SAP130: variants seen among roughly 807,000 people sequenced by gnomAD.
The protein encoded by SAP130 is Sin3A associated protein 130.
Under a neutral mutation model 103.2 loss-of-function variants are expected in SAP130, and 16 were observed. The observed-to-expected ratio is 0.16, with a 90% CI of 0.10 to 0.24. The LOEUF (loss-of-function observed/expected upper bound fraction) is 0.24, where lower values mean the gene tolerates loss of function less well. Ranked by LOEUF, SAP130 falls within the 10% of genes least tolerant of loss-of-function variation. The probability of loss-of-function intolerance (pLI) is 1.00; values close to 1 mark genes in which losing one functional copy is unlikely to be tolerated. For missense variants in SAP130, 990 were observed against 1,359.7 expected (o/e 0.73, Z 4.28); for synonymous variants, 477 against 497.0 (o/e 0.96, Z 0.53).
intron 15 of SAP130, among the ~76,000 whole-genome samples, chr2:127,958,210 C>T (rs1312657134): frequency 6.6e-6 from 1 of 152,178 alleles, no homozygotes; most frequent in Non-Finnish European, 1.5e-5. Context: ...GTCAGGAGTT[C>T]GAGACCAGCC....
chr2:128,000,386 C>T lies in SAP130; in HGVS notation c.938G>A (p.Arg313Gln), dbSNP rs1165718691. The T allele has an allele frequency of 1.2e-6, 2 of 1,613,996 alleles. No homozygotes were observed. The highest frequency in any genetic ancestry group is 1.7e-5 in the Admixed American group (1 of 59,984). The change falls in exon 8 of 21, where the codon CGA becomes CAA. Residue 313 changes from arginine to glutamine, a missense_variant. Physicochemically the swap from Arg to Gln is conservative, Grantham distance 43 (BLOSUM62 1). Around this residue, in one of 6 missense-constraint regions of SAP130, gnomAD observed 336 missense variants for 520.1 expected, o/e 0.65. Transcript: ENST00000643581. The stretch of plus-strand genomic sequence containing the variant: ...TAGTGTGATTCTTGTTGTGACATCT[C>T]GTGACTGGGCAGGACGCTGAATACT... ...AISIQRPAQSRDVTTRITLPS... is the reference protein window; with the variant it reads ...AISIQRPAQSQDVTTRITLPS...
intron 4 of SAP130, among the ~76,000 whole-genome samples, chr2:128,015,877 G>A (rs910618649): frequency 1.3e-4 from 19 of 150,506 alleles, no homozygotes; most frequent in African/African-American, 3.9e-4. Context: ...GGACGTGGAC[G>A]TTGCTGTGAG....
At chr2:127,980,184 A>G (rs1681764115) in intron 14 of SAP130, among the ~76,000 whole-genome samples, 1 of 152,070 alleles carries the variant, frequency 6.6e-6, no homozygotes, top group South Asian at 2.1e-4. Flanking sequence ...TGGCCACAGG[A>G]TTTTCTTATG....
chr2:128,010,210 A>T (rs1266951504), intron 7 of SAP130, 59 bp downstream of exon 7: 3 of 1,551,038 alleles, frequency 1.9e-6, no homozygotes, highest in Non-Finnish European at 2.6e-6. Flanking sequence ...GAACGAAAGA[A>T]AAAAGAGTGA....
intron 2 of SAP130, among the ~76,000 whole-genome samples, chr2:128,021,396 G>A (rs1321128602): frequency 2.0e-5 from 3 of 148,364 alleles, no homozygotes; most frequent in East Asian, 3.9e-4. Context: ...GCAGTGAGTC[G>A]AGATCGCGCC....
intron 15 of SAP130, among the ~76,000 whole-genome samples, chr2:127,960,963 C>CA (rs1312287022): frequency 1.3e-5 from 2 of 151,428 alleles, no homozygotes; most frequent in Admixed American, 1.3e-4. Context: ...GAGACATAAG[C>CA]AAATACAAAT....
intron 7 of SAP130, among the ~76,000 whole-genome samples, chr2:128,006,134 G>A (rs1345112648): frequency 6.6e-6 from 1 of 150,392 alleles, no homozygotes; most frequent in African/African-American, 2.4e-5. Flanking sequence ...CTAGAAGACG[G>A]GAAAAATTAC....
At chr2:128,006,881 G>C (rs932925046) in intron 7 of SAP130, among the ~76,000 whole-genome samples, 16 of 152,312 alleles carry the variant, frequency 1.1e-4, no homozygotes, top group Admixed American at 2.0e-4. Flanking sequence ...TGTTGAAGAA[G>C]TTCTATCTTA....
At position 127,978,178 on chromosome 2, in the gene SAP130, C is replaced by A. The variant is rs182422308; in HGVS notation, c.1959-89G>T. The A allele has an allele frequency of 2.0e-5, 19 of 934,312 alleles. 1 individual carries two copies. In the South Asian group the frequency reaches 2.2e-4, roughly 11 times the overall value. 57.9% of individuals were successfully genotyped at this position (934,312 alleles called of 1,614,324 possible). The stretch of plus-strand genomic sequence containing the variant: ...CAGGATGCACATTTGCCAGGCATAC[C>A]TAGGACAAAATAAAGCCCTACATTG... On this transcript the variant is annotated intron_variant, in intron 14 of 20. Coordinates refer to ENST00000643581, the MANE Select transcript of SAP130 (RefSeq NM_001330301.2).
chr2:128,005,074 A>C (rs1214551461), intron 7 of SAP130, among the ~76,000 whole-genome samples: 1 of 152,238 alleles, frequency 6.6e-6, no homozygotes, highest in Non-Finnish European at 1.5e-5. Context: ...AACTTAATGA[A>C]GTAACTGCTT....
intron 10 of SAP130, among the ~76,000 whole-genome samples, chr2:127,999,440 A>G (rs903933260): frequency 5.3e-5 from 8 of 152,088 alleles, no homozygotes; most frequent in Non-Finnish European, 1.2e-4. Flanking sequence ...CATCTCTACT[A>G]AAAATACAAA....
chr2:127,964,972 C>A lies in SAP130; in HGVS notation c.2064-9628G>T, dbSNP rs1342675004. ...CGAGAACGCGCCACTGCGCTCCAGC[C>A]TGGGTGACAGAATGAGACTCTGTCT... On this transcript the variant is annotated intron_variant, in intron 15 of 20. Transcript: ENST00000643581. Among the ~76,000 whole-genome samples, 5 of 138,878 alleles carry A rather than the reference C, an allele frequency of 3.6e-5. No individual in the cohort carries two copies. In the Admixed American group the frequency reaches 4.0e-4, roughly 11 times the overall value. 91.1% of individuals were successfully genotyped at this position (138,878 alleles called of 152,430 possible). A position where few individuals can be genotyped will look rare whatever the true frequency, so the allele number is the denominator to read the frequency against.
chr2:128,006,356 G>C (rs1485470806), intron 7 of SAP130, among the ~76,000 whole-genome samples: 1 of 152,240 alleles, frequency 6.6e-6, no homozygotes, highest in East Asian at 1.9e-4. Flanking sequence ...CTGACAGACT[G>C]AATGTATTTA....
In SAP130 at chr2:127,988,428, T is replaced by TAAA. The variant is rs1682551426; in HGVS notation, c.1780+1135_1780+1136insTTT. 4.3e-3 allele frequency among the ~76,000 whole-genome samples: 480 copies of TAAA among 111,708 alleles called. 3 individuals carry two copies. Among genetic ancestry groups the TAAA allele is most frequent in the African/African-American group, 0.014 (446 of 32,580 alleles). The allele number at this position is 111,708 out of a possible 152,430, so 73.3% of individuals were successfully genotyped here. On this transcript the variant is annotated intron_variant, in intron 13 of 20. Coordinates refer to ENST00000643581, the MANE Select transcript of SAP130 (RefSeq NM_001330301.2). ...ACAGAGTGAGTGAGACCTTGTCTTT[T>TAAA]TAAAAAAAAAAAAAAAAAAAAAATC...
At chr2:127,968,313 G>A (rs1417942851) in intron 15 of SAP130, among the ~76,000 whole-genome samples, 13 of 151,258 alleles carry the variant, frequency 8.6e-5, no homozygotes, top group African/African-American at 2.4e-4. Context: ...GTTTCATCAC[G>A]TTGGCCAGGC....
intron 18 of SAP130, among the ~76,000 whole-genome samples, chr2:127,947,478 T>C (rs983050595): frequency 6.6e-6 from 1 of 152,228 alleles, no homozygotes; most frequent in African/African-American, 2.4e-5. Context: ...TGAGGAATAT[T>C]GATCTGTCAT....
At position 127,941,717 on chromosome 2, in the gene SAP130, C is replaced by T; in HGVS notation, c.*289G>A. 1.0e-5 allele frequency: 4 copies of T among 401,618 alleles called. No individual in the cohort carries two copies. Among genetic ancestry groups the T allele is most frequent in the Admixed American group, 4.7e-5 (1 of 21,120 alleles). 24.9% of individuals were successfully genotyped at this position (401,618 alleles called of 1,614,324 possible). A position where few individuals can be genotyped will look rare whatever the true frequency, so the allele number is the denominator to read the frequency against. ...CGGAAGGCTGAAAAACACCAGCCAG[C>T]CATCCTTGTCATTGCTTCCAACTGG... On this transcript the variant is annotated 3_prime_UTR_variant, in exon 21 of 21. Coordinates refer to ENST00000643581, the MANE Select transcript of SAP130 (RefSeq NM_001330301.2).
intron 16 of SAP130, among the ~76,000 whole-genome samples, chr2:127,954,700 G>C (rs1430319407): frequency 6.6e-6 from 1 of 152,138 alleles, no homozygotes. Flanking sequence ...ATACTACTAG[G>C]CATGGAAGGA....
intron 10 of SAP130, among the ~76,000 whole-genome samples, chr2:127,997,623 C>A (rs1021401872): frequency 5.3e-5 from 8 of 152,108 alleles, no homozygotes; most frequent in African/African-American, 1.7e-4. Context: ...GGTTTTCCAT[C>A]AGGGAGGTAA....
Sources: allele counts gnomAD v4.1 joint callset (sites outside exome capture counted in the v4.1 genomes callset), GRCh38; gene constraint gnomAD v4.1.1; regional missense constraint gnomAD v4.1.1; transcripts MANE v1.5; gene names NCBI Gene and HGNC (gene_info 2026-07-23, HGNC 2026-07-21).